CCDC110: variants seen among roughly 807,000 people sequenced by gnomAD.
CCDC110 encodes coiled-coil domain-containing protein 110.
CCDC110 carries 70 observed loss-of-function variants against 77.1 expected under a neutral mutation model. The observed-to-expected ratio is 0.91, with a 90% CI of 0.75 to 1.11. The LOEUF (loss-of-function observed/expected upper bound fraction) is 1.11. Ranked by LOEUF, CCDC110 falls within the 50% of genes least tolerant of loss-of-function variation. The probability of loss-of-function intolerance (pLI) is 0.00; values close to 1 mark genes in which losing one functional copy is unlikely to be tolerated. For missense variants in CCDC110, 868 were observed against 942.9 expected, an observed-to-expected ratio of 0.92 and a Z score of 1.04; for synonymous variants, 295 against 312.5, an observed-to-expected ratio of 0.94 and a Z score of 0.59.
Position 185,447,136 on chromosome 4 carries a change from G to A in CCDC110, c.2462-1594C>T, listed in dbSNP as rs114623707. 6.1e-3 allele frequency among the ~76,000 whole-genome samples: 920 copies of A among 151,308 alleles called. 16 individuals are homozygous for A. The highest frequency in any genetic ancestry group is 0.055 in the South Asian group (261 of 4,778). On this transcript the variant is annotated intron_variant, in intron 6 of 6. Coordinates refer to ENST00000307588, the MANE Select transcript of CCDC110 (RefSeq NM_152775.4). ...AGTCATTCCATATATGTTATACCTT[G>A]TATGATAGTTATTTTGTTACATATA...
intron 6 of CCDC110, among the ~76,000 whole-genome samples, chr4:185,456,697 T>A (rs1040970241): frequency 1.7e-4 from 26 of 152,096 alleles, no homozygotes; most frequent in African/African-American, 6.3e-4. Context: ...CAACTCTAAC[T>A]CAAGAAATAG....
intron 6 of CCDC110, among the ~76,000 whole-genome samples, chr4:185,450,477 G>A (rs1455951708): frequency 1.3e-5 from 2 of 152,248 alleles, no homozygotes; most frequent in South Asian, 2.1e-4. Context: ...AGCCAGGCAC[G>A]GTGGCTCACG....
intron 6 of CCDC110, among the ~76,000 whole-genome samples, chr4:185,448,872 G>A (rs1050067422): frequency 3.9e-5 from 6 of 152,158 alleles, no homozygotes; most frequent in African/African-American, 1.4e-4. Context: ...TAGAACTTTG[G>A]AACAGGGAGA....
intron 2 of CCDC110, among the ~76,000 whole-genome samples, chr4:185,469,742 G>A (rs2095662518): frequency 6.6e-6 from 1 of 152,218 alleles, no homozygotes; most frequent in African/African-American, 2.4e-5. Flanking sequence ...TAGTGCCTGG[G>A]CACCCGGGTG....
chr4:185,452,888 CAAAAAAAA>C (rs70962569), intron 6 of CCDC110, among the ~76,000 whole-genome samples: 3 of 67,286 alleles, frequency 4.5e-5, no homozygotes, highest in Non-Finnish European at 8.7e-5. Flanking sequence ...GAGTGAGACT[CAAAAAAAA>C]AAAAAAAAAA....
chr4:185,459,220 T>G lies in CCDC110; in HGVS notation c.1367A>C (p.Lys456Thr), dbSNP rs764660533. The G allele has an allele frequency of 6.2e-7, 1 of 1,605,550 alleles. No homozygotes were observed. Among genetic ancestry groups the G allele is most frequent in the Non-Finnish European group, 8.5e-7 (1 of 1,177,590 alleles). The change falls in exon 6 of 7, where the codon AAG becomes ACG. Residue 456 changes from lysine (K) to threonine (T), a missense_variant. Physicochemically the swap from Lys to Thr is moderately conservative, Grantham distance 78 (BLOSUM62 -1). Transcript: ENST00000307588. The part of the protein sequence containing the change: ...MELESENLNL[K>T]SKMKPLIFTT... ...AAAGATAAGAGGTTTCATTTTGGAC[T>G]TAAGGTTTAGATTTTCACTCTCCAG...
Position 185,459,667 on chromosome 4 carries a change from A to T in CCDC110, c.920T>A (p.Ile307Lys). 1 of 1,611,566 alleles carries T rather than the reference A, an allele frequency of 6.2e-7. No individual in the cohort carries two copies. The highest frequency in any genetic ancestry group is 8.5e-7 in the Non-Finnish European group (1 of 1,179,272). ...TAATTCTGAAATTCTCTTTGATTTT[A>T]TATCTTCATTTAAGTTACCGTCCAA... The part of the protein sequence containing the change: ...ENLDGNLNED[I>K]KSKRISELEA... The change falls in exon 6 of 7, where the codon ATA (isoleucine) becomes AAA (lysine). Residue 307 changes from isoleucine to lysine, a missense_variant. Ile to Lys is a moderately radical substitution (Grantham distance 102, BLOSUM62 -3). Transcript: ENST00000307588.
In CCDC110 at chr4:185,447,398, A is replaced by T. The variant is rs375534957; in HGVS notation, c.2462-1856T>A. On this transcript the variant is annotated intron_variant, in intron 6 of 6. Coordinates refer to ENST00000307588, the MANE Select transcript of CCDC110 (RefSeq NM_152775.4). ...GGTTTCACTGTGTTAGCCAGGATGG[A>T]CTTGATCTCCTGACCTCGTGATCCA... 8.5e-3 allele frequency among the ~76,000 whole-genome samples: 1,285 copies of T among 151,984 alleles called. 21 individuals carry two copies. Among genetic ancestry groups the T allele is most frequent in the South Asian group, 0.04 (191 of 4,806 alleles).
chr4:185,471,106 A>T, intron 1 of CCDC110, 57 bp from the exon 2 acceptor site: 14 of 153,790 alleles, frequency 9.1e-5, no homozygotes, highest in Non-Finnish European at 1.4e-4. Flanking sequence ...GCGGGGCTGA[A>T]GGTGGGGGCG....
rs139707432 is a variant in CCDC110, at chr4:185,459,794, C to T, written c.793G>A (p.Glu265Lys). 3 of 1,613,552 alleles carry T rather than the reference C, an allele frequency of 1.9e-6. No individual in the cohort carries two copies. In the African/African-American group the frequency reaches 4.0e-5, roughly 22 times the overall value. ...GGATCAGTTTGTAAAGTCTGAAGTTCATTTGTAAGTGCCACTTCCCCATCA... is the reference window on the plus strand; with the variant it reads ...GGATCAGTTTGTAAAGTCTGAAGTTTATTTGTAAGTGCCACTTCCCCATCA... ...SHDGEVALTN[E>K]LQTLQTDPDV... The change falls in exon 6 of 7, where the codon GAA becomes AAA. Residue 265 changes from glutamate to lysine, a missense_variant. Transcript: ENST00000307588.
chr4:185,459,692 A>C lies in CCDC110; in HGVS notation c.895T>G (p.Leu299Val), dbSNP rs7698680. The change falls in exon 6 of 7, where the codon TTG becomes GTG. Residue 299 changes from leucine (L) to valine (V), a missense_variant. Physicochemically the swap from Leu to Val is conservative, Grantham distance 32. Coordinates refer to ENST00000307588, the MANE Select transcript of CCDC110 (RefSeq NM_152775.4). ...ATATCTTCATTTAAGTTACCGTCCA[A>C]GTTTTCTTCCTTAATAAAGTTCATT... ...DKMNFIKEEN[L>V]DGNLNEDIKS... 8.1e-6 allele frequency: 13 copies of C among 1,612,052 alleles called. No individual in the cohort carries two copies. Among genetic ancestry groups the C allele is most frequent in the Non-Finnish European group, 1.1e-5 (13 of 1,179,494 alleles).
At chr4:185,462,243 C>A (rs112563202) in intron 4 of CCDC110, among the ~76,000 whole-genome samples, 5 of 152,170 alleles carry the variant, frequency 3.3e-5, no homozygotes, top group Admixed American at 6.5e-5. Flanking sequence ...CCTATTTTGA[C>A]GACACAAGAC....
intron 2 of CCDC110, among the ~76,000 whole-genome samples, chr4:185,466,478 A>G (rs28505859): frequency 0.46 from 69,235 of 152,000 alleles, 16,591 homozygotes; most frequent in African/African-American, 0.61. Context: ...TGGAATGTGG[A>G]GATTGGTGGG....
rs1212382718 is a variant in CCDC110, at chr4:185,458,862, T to A, written c.1725A>T (p.Lys575Asn). Residue 575 changes from lysine (K) to asparagine (N), a missense_variant, in exon 6 of 7, where the codon AAA becomes AAT. Coordinates refer to ENST00000307588, the MANE Select transcript of CCDC110 (RefSeq NM_152775.4). ...CATCTTGTATCAACAGAATATTGGT[T>A]TTCATTGCTTCCATTTCTATACTCA... ...NRMSIEMEAMKTNILLIQDEK... is the reference protein window; with the variant it reads ...NRMSIEMEAMNTNILLIQDEK... 1 of 1,605,410 alleles carries A rather than the reference T, an allele frequency of 6.2e-7. No homozygotes were observed. Among genetic ancestry groups the A allele is most frequent in the African/African-American group, 1.3e-5 (1 of 74,500 alleles).
chr4:185,470,132 AT>A (rs1197983376), intron 2 of CCDC110, among the ~76,000 whole-genome samples: 2 of 152,188 alleles, frequency 1.3e-5, no homozygotes, highest in East Asian at 3.9e-4. Flanking sequence ...CTATGTGGCT[AT>A]TTCAAACATC....
chr4:185,461,957 G>C (rs1475286544), intron 4 of CCDC110, among the ~76,000 whole-genome samples: 2 of 152,170 alleles, frequency 1.3e-5, no homozygotes, highest in African/African-American at 4.8e-5. Flanking sequence ...AATTAACCAG[G>C]CATGGTGGTG....
chr4:185,458,102 A>C (rs761020576), intron 6 of CCDC110, 24 bp downstream of exon 6: 1 of 1,467,018 alleles, frequency 6.8e-7, no homozygotes, highest in Non-Finnish European at 9.1e-7. Context: ...ACACATCTCT[A>C]CTAATCTACC....
intron 4 of CCDC110, 34 bp downstream of exon 4, chr4:185,462,609 G>A: frequency 6.6e-7 from 1 of 1,526,536 alleles, no homozygotes; most frequent in South Asian, 1.1e-5. Flanking sequence ...ACTTCAAGGT[G>A]AGATATTTCA....
At chr4:185,450,639 G>T (rs1368109173) in intron 6 of CCDC110, among the ~76,000 whole-genome samples, 1 of 151,794 alleles carries the variant, frequency 6.6e-6, no homozygotes, top group Non-Finnish European at 1.5e-5. Context: ...CCCAGCTCGG[G>T]AGGCTGAGGA....
Sources: allele counts gnomAD v4.1 joint callset (sites outside exome capture counted in the v4.1 genomes callset), GRCh38; gene constraint gnomAD v4.1.1; transcripts MANE v1.5; gene names NCBI Gene and HGNC (gene_info 2026-07-23, HGNC 2026-07-21).